Variants in BICC1 observed in about 807,000 individuals in gnomAD.
BICC1 encodes BicC family RNA binding protein 1.
A neutral mutation model predicts 111.0 loss-of-function variants in BICC1; 43 were observed. The observed-to-expected ratio is 0.39, with a 90% CI of 0.30 to 0.50. The LOEUF is 0.50. Among genes scored for constraint, BICC1 ranks in the 20% least tolerant of loss-of-function variants. The pLI is 0.88. For synonymous variants in BICC1, 467 were observed against 434.4 expected (o/e 1.07, Z -0.93); for missense variants, 1,091 against 1,203.2 (o/e 0.91, Z 1.38).
intron 3 of BICC1, among the ~76,000 whole-genome samples, chr10:58,702,957 GC>G (rs1840282733): frequency 6.6e-6 from 1 of 152,022 alleles, no homozygotes; most frequent in African/African-American, 2.4e-5. Context: ...CGTATTTGCT[GC>G]CCCTTCTCCC....
chr10:58,553,332 T>C (rs959783370), intron 1 of BICC1, among the ~76,000 whole-genome samples: 2 of 151,910 alleles, frequency 1.3e-5, no homozygotes, highest in Admixed American at 6.6e-5. Flanking sequence ...GGCAAAGGAG[T>C]TAGAGTCAGA....
intron 1 of BICC1, among the ~76,000 whole-genome samples, chr10:58,557,143 G>A (rs1244867129): frequency 6.6e-6 from 1 of 152,044 alleles, no homozygotes; most frequent in Non-Finnish European, 1.5e-5. Context: ...TTTTCGTTGA[G>A]TAAATAATTC....
intron 14 of BICC1, among the ~76,000 whole-genome samples, chr10:58,802,745 A>T (rs536938729): frequency 1.3e-5 from 2 of 152,190 alleles, no homozygotes; most frequent in African/African-American, 2.4e-5. Context: ...CACCTATATC[A>T]TATGCAGTAT....
chr10:58,771,667 A>G (rs1013905400), intron 3 of BICC1, among the ~76,000 whole-genome samples: 2 of 152,164 alleles, frequency 1.3e-5, no homozygotes, highest in Non-Finnish European at 2.9e-5. Flanking sequence ...AAGATAGGAA[A>G]TTATAGGACA....
In BICC1 at chr10:58,592,714, GA is replaced by G. The variant is rs746433317; in HGVS notation, c.191-28127del. Among the ~76,000 whole-genome samples the G allele has an allele frequency of 4.7e-3, 607 of 130,498 alleles. 3 individuals carry two copies. Among genetic ancestry groups the G allele is most frequent in the African/African-American group, 0.012 (418 of 35,362 alleles). 85.6% of individuals were successfully genotyped at this position (130,498 alleles called of 152,430 possible). ...TGGGTGACAGAGTGAGACTCCGTGT[GA>G]AAAAAAAAAAAAATAGCTGGGCCTG... On this transcript the variant is annotated intron_variant, in intron 1 of 20. Transcript: ENST00000373886.
chr10:58,806,175 G>A (rs139842053), intron 15 of BICC1, among the ~76,000 whole-genome samples: 2 of 152,214 alleles, frequency 1.3e-5, no homozygotes, highest in East Asian at 3.9e-4. Context: ...GGATTTTTGA[G>A]ACCCTAAGGG....
At chr10:58,719,380 A>G (rs1840864503) in intron 3 of BICC1, among the ~76,000 whole-genome samples, 1 of 152,168 alleles carries the variant, frequency 6.6e-6, no homozygotes, top group South Asian at 2.1e-4. Context: ...GCCAACTCCT[A>G]CTCATCCTCA....
chr10:58,692,413 G>A (rs561169583), intron 2 of BICC1, among the ~76,000 whole-genome samples: 11 of 152,254 alleles, frequency 7.2e-5, no homozygotes, highest in Admixed American at 3.9e-4. Flanking sequence ...AAATGACTAC[G>A]CAAGTTGAAA....
At chr10:58,530,204 G>A (rs1461832493) in intron 1 of BICC1, among the ~76,000 whole-genome samples, 3 of 151,688 alleles carry the variant, frequency 2.0e-5, no homozygotes, top group Non-Finnish European at 4.4e-5. Flanking sequence ...CCTGGGTCAC[G>A]TACCTCCACC....
chr10:58,688,255 C>T (rs865862440), intron 2 of BICC1, among the ~76,000 whole-genome samples: 3 of 152,012 alleles, frequency 2.0e-5, no homozygotes, highest in Non-Finnish European at 2.9e-5. Context: ...TATTTGGTGC[C>T]GCCACGTCCT....
intron 2 of BICC1, among the ~76,000 whole-genome samples, chr10:58,685,360 A>G (rs1417661915): frequency 6.6e-6 from 1 of 152,130 alleles, no homozygotes; most frequent in Non-Finnish European, 1.5e-5. Flanking sequence ...GGGGGTGGAG[A>G]GCTCTGTAGA....
At chr10:58,793,715 T>TA in intron 9 of BICC1, 100 bp downstream of exon 9, 2 of 1,323,542 alleles carry the variant, frequency 1.5e-6, no homozygotes, top group Non-Finnish European at 2.1e-6. Context: ...ATGAAACTGT[T>TA]ACTCTATACA....
chr10:58,580,106 C>T (rs1262604723), intron 1 of BICC1, among the ~76,000 whole-genome samples: 3 of 151,570 alleles, frequency 2.0e-5, no homozygotes, highest in African/African-American at 4.9e-5. Context: ...CTCACTGCAA[C>T]CTTCACCTCC....
At chr10:58,710,809 C>G (rs1232720933) in intron 3 of BICC1, among the ~76,000 whole-genome samples, 1 of 152,030 alleles carries the variant, frequency 6.6e-6, no homozygotes, top group African/African-American at 2.4e-5. Context: ...ACCTGAGGAC[C>G]TGTGTATTTC....
intron 3 of BICC1, among the ~76,000 whole-genome samples, chr10:58,753,439 G>A (rs1359862190): frequency 6.6e-6 from 1 of 152,072 alleles, no homozygotes; most frequent in African/African-American, 2.4e-5. Context: ...AAAGTGCTGG[G>A]ATTACAGGTA....
intron 2 of BICC1, among the ~76,000 whole-genome samples, chr10:58,701,683 A>T (rs1281144284): frequency 6.6e-6 from 1 of 152,156 alleles, no homozygotes; most frequent in African/African-American, 2.4e-5. Flanking sequence ...TTTGTATTAC[A>T]GGAATCATGT....
intron 1 of BICC1, among the ~76,000 whole-genome samples, chr10:58,615,721 G>A (rs1275619736): frequency 6.6e-6 from 1 of 152,158 alleles, no homozygotes; most frequent in Non-Finnish European, 1.5e-5. Context: ...ACTGAGGAGA[G>A]AGAGCCTTCG....
At chr10:58,643,134 A>G (rs535892121) in intron 2 of BICC1, among the ~76,000 whole-genome samples, 1 of 152,330 alleles carries the variant, frequency 6.6e-6, no homozygotes, top group South Asian at 2.1e-4. Flanking sequence ...TCAGCTAATC[A>G]TTACTTAAAC....
intron 2 of BICC1, among the ~76,000 whole-genome samples, chr10:58,687,144 G>A (rs1355445625): frequency 2.6e-5 from 4 of 152,238 alleles, no homozygotes; most frequent in Non-Finnish European, 5.9e-5. Context: ...ATCCACTCCA[G>A]ACCCTGTTTG....
Sources: gnomAD v4.1 joint callset for allele counts (sites outside exome capture counted in the v4.1 genomes callset) on GRCh38, gnomAD v4.1.1 for gene constraint, MANE v1.5 for transcripts, NCBI Gene and HGNC (gene_info 2026-07-23, HGNC 2026-07-21) for gene names.